The following CEP112 variants were observed in gnomAD, a reference collection of about 807,000 sequenced individuals.
The protein encoded by CEP112 is centrosomal protein 112, also known as centrosomal protein of 112 kDa.
A neutral mutation model predicts 153.0 loss-of-function variants in CEP112; 127 were observed. The observed-to-expected ratio is 0.83, with a 90% CI of 0.72 to 0.96. The LOEUF (loss-of-function observed/expected upper bound fraction) is 0.96. Among genes scored for constraint, CEP112 ranks in the 40% least tolerant of loss-of-function variants. The pLI, the probability that CEP112 is intolerant of heterozygous loss-of-function variation, is 0.00. For synonymous variants in CEP112, 358 were observed against 374.4 expected (o/e 0.96, Z 0.51); for missense variants, 1,089 against 1,101.2 (o/e 0.99, Z 0.16).
chr17:65,756,077 TGAG>T (rs1219481929), intron 21 of CEP112, among the ~76,000 whole-genome samples: 4 of 152,004 alleles, frequency 2.6e-5, no homozygotes, highest in African/African-American at 9.6e-5. Flanking sequence ...GGCTGGGACA[TGAG>T]GAGGAAACAG....
intron 20 of CEP112, among the ~76,000 whole-genome samples, chr17:65,856,591 T>C (rs2058127847): frequency 6.6e-6 from 1 of 152,210 alleles, no homozygotes; most frequent in Admixed American, 6.5e-5. Flanking sequence ...TTTTTGAAAA[T>C]TAAAAAATAC....
At chr17:65,917,284 G>C (rs2060528532) in intron 19 of CEP112, among the ~76,000 whole-genome samples, 1 of 152,182 alleles carries the variant, frequency 6.6e-6, no homozygotes, top group Non-Finnish European at 1.5e-5. Context: ...AATTGGAAGA[G>C]GAAGGTCAAG....
intron 12 of CEP112, among the ~76,000 whole-genome samples, chr17:66,030,304 T>G (rs977731581): frequency 6.6e-6 from 1 of 152,224 alleles, no homozygotes; most frequent in African/African-American, 2.4e-5. Flanking sequence ...TGTAGATACA[T>G]AGCAGTAAAT....
intron 21 of CEP112, among the ~76,000 whole-genome samples, chr17:65,847,352 G>C (rs2057766561): frequency 6.6e-6 from 1 of 152,128 alleles, no homozygotes; most frequent in African/African-American, 2.4e-5. Context: ...AATTCTATAG[G>C]AACAAATTCC....
chr17:65,926,606 G>A (rs1002643146), intron 19 of CEP112, among the ~76,000 whole-genome samples: 40 of 152,086 alleles, frequency 2.6e-4, no homozygotes, highest in African/African-American at 8.0e-4. Context: ...CCAGCTACTT[G>A]GGAGGCTGAG....
intron 21 of CEP112, among the ~76,000 whole-genome samples, chr17:65,770,038 T>C (rs2053245778): frequency 6.6e-6 from 1 of 151,832 alleles, no homozygotes; most frequent in Non-Finnish European, 1.5e-5. Context: ...TGTGTAGTTG[T>C]ATCCCAGAAA....
chr17:66,036,817 G>A (rs928656881), intron 12 of CEP112, among the ~76,000 whole-genome samples: 7 of 152,058 alleles, frequency 4.6e-5, no homozygotes, highest in Non-Finnish European at 7.4e-5. Context: ...AAAATACCTC[G>A]GGTAGACATA....
rs1047642010 is a variant in CEP112 at position 65,826,463 on chromosome 17, C to A, written c.2394+25341G>T. 2.7e-6 allele frequency: 4 copies of A among 1,498,580 alleles called. No individual in the cohort carries two copies. In the African/African-American group the frequency reaches 4.2e-5, roughly 16 times the overall value. The allele number at this position is 1,498,580 out of a possible 1,614,324, so 92.8% of individuals were successfully genotyped here. A position where few individuals can be genotyped will look rare whatever the true frequency, so the allele number is the denominator to read the frequency against. Reference sequence around the variant, plus strand: ...GGGTTAGAGTGTCTGAGATTCCCCACCACAATCTCTTAGGTGGGGGTGAGG... The same window carrying A: ...GGGTTAGAGTGTCTGAGATTCCCCAACACAATCTCTTAGGTGGGGGTGAGG... On this transcript the variant is annotated intron_variant, in intron 21 of 26. Transcript: ENST00000535342.
At chr17:66,148,385 T>C (rs1308054083) in intron 4 of CEP112, among the ~76,000 whole-genome samples, 1 of 152,176 alleles carries the variant, frequency 6.6e-6, no homozygotes, top group Non-Finnish European at 1.5e-5. Flanking sequence ...TTTCTATTTC[T>C]GAAAAAAATA....
rs2070509611 is a variant in CEP112 at position 66,137,910 on chromosome 17, C to T, written c.471-5147G>A. 2.0e-5 allele frequency among the ~76,000 whole-genome samples: 3 copies of T among 152,092 alleles called. No homozygotes were observed. In the South Asian group the frequency reaches 6.2e-4, roughly 31 times the overall value. ...CACTGATAAAATTATATATAAAATA[C>T]AGATTACTCTATTGATATAATAGTG... is the stretch of plus-strand genomic sequence containing the variant. On this transcript the variant is annotated intron_variant, in intron 4 of 26. Coordinates refer to ENST00000535342, the MANE Select transcript of CEP112 (RefSeq NM_001199165.4).
At chr17:65,693,736 T>C (rs1408780226) in intron 23 of CEP112, among the ~76,000 whole-genome samples, 3 of 152,146 alleles carry the variant, frequency 2.0e-5, no homozygotes, top group African/African-American at 7.2e-5. Flanking sequence ...ACTCCAAATA[T>C]TGCTAGACAC....
chr17:65,921,415 A>G (rs1202920149), intron 19 of CEP112, among the ~76,000 whole-genome samples: 1 of 152,012 alleles, frequency 6.6e-6, no homozygotes, highest in Non-Finnish European at 1.5e-5. Context: ...ACACTGTTAC[A>G]GTTAACAGAA....
intron 19 of CEP112, among the ~76,000 whole-genome samples, chr17:65,903,608 T>C (rs1451884081): frequency 6.6e-6 from 1 of 152,154 alleles, no homozygotes; most frequent in Non-Finnish European, 1.5e-5. Context: ...CCCTAATTCA[T>C]TTTATGAGGC....
chr17:65,795,328 G>A (rs1424784001), intron 21 of CEP112, among the ~76,000 whole-genome samples: 3 of 152,144 alleles, frequency 2.0e-5, no homozygotes, highest in Non-Finnish European at 4.4e-5. Context: ...CCAAGGCTTT[G>A]CATAATTACT....
intron 4 of CEP112, among the ~76,000 whole-genome samples, chr17:66,137,616 G>C (rs959835609): frequency 3.9e-5 from 6 of 152,224 alleles, no homozygotes; most frequent in African/African-American, 1.4e-4. Flanking sequence ...ACTGTAAAAG[G>C]ATTTTTCAAC....
chr17:65,973,799 T>C (rs1274461703), intron 17 of CEP112, among the ~76,000 whole-genome samples: 2 of 152,198 alleles, frequency 1.3e-5, no homozygotes, highest in Non-Finnish European at 2.9e-5. Context: ...GATACATATG[T>C]TCACACGTAT....
At chr17:65,991,922 CCT>C (rs1167821860) in intron 17 of CEP112, among the ~76,000 whole-genome samples, 5 of 151,752 alleles carry the variant, frequency 3.3e-5, no homozygotes, top group African/African-American at 9.7e-5. Context: ...CCTAGCTTTC[CCT>C]GTCTACCAAA....
In CEP112 at chr17:65,788,639, C is replaced by T. The variant is rs536560676; in HGVS notation, c.2395-37915G>A. On this transcript the variant is annotated intron_variant, in intron 21 of 26. Coordinates refer to ENST00000535342, the MANE Select transcript of CEP112 (RefSeq NM_001199165.4). ...TCACGTTTTCTAAAAATGTTTCCATCTTATCCAGATTTTCAATTTTATTGG... is the reference window on the plus strand; with the variant it reads ...TCACGTTTTCTAAAAATGTTTCCATTTTATCCAGATTTTCAATTTTATTGG... Among the ~76,000 whole-genome samples the T allele has an allele frequency of 2.3e-3, 347 of 152,194 alleles. 1 individual carries two copies. The highest frequency in any genetic ancestry group is 8.1e-3 in the African/African-American group (338 of 41,540).
intron 19 of CEP112, among the ~76,000 whole-genome samples, chr17:65,920,362 AATATATATATATATATATAT>A (rs55934550): frequency 0.034 from 1,468 of 42,794 alleles, 141 homozygotes; most frequent in Non-Finnish European, 0.036. Flanking sequence ...AAACAAACAA[AATATATATATATATATATAT>A]ATATATATAT....
Sources: gnomAD v4.1 joint callset for allele counts (sites outside exome capture counted in the v4.1 genomes callset) on GRCh38, gnomAD v4.1.1 for gene constraint, MANE v1.5 for transcripts, NCBI Gene and HGNC (gene_info 2026-07-23, HGNC 2026-07-21) for gene names.